MRPS35: variants seen among roughly 807,000 people sequenced by gnomAD.
MRPS35 encodes the protein small ribosomal subunit protein mS35.
In MRPS35, 29 loss-of-function variants were observed where a neutral mutation model predicts 32.7. The ratio of observed to expected loss-of-function variants is 0.89; its 90% CI spans 0.66 to 1.21. The LOEUF (loss-of-function observed/expected upper bound fraction) is 1.21, where lower values mean the gene tolerates loss of function less well. MRPS35 is among the 50% of genes most tolerant of loss of function. The probability of loss-of-function intolerance (pLI) is 0.00; values close to 1 mark genes in which losing one functional copy is unlikely to be tolerated. For missense variants in MRPS35, 373 were observed against 383.8 expected, an observed-to-expected ratio of 0.97 and a Z score of 0.23; for synonymous variants, 148 against 139.3, an observed-to-expected ratio of 1.06 and a Z score of -0.44.
chr12:27,721,508 A>G (rs1217818533), intron 4 of MRPS35, among the ~76,000 whole-genome samples: 1 of 152,096 alleles, frequency 6.6e-6, no homozygotes, highest in Admixed American at 6.6e-5. Flanking sequence ...AAACACAAAA[A>G]ATTAGCCGGG....
At chr12:27,714,884 C>A in intron 2 of MRPS35, 64 bp downstream of exon 2, 1 of 1,382,764 alleles carries the variant, frequency 7.2e-7, no homozygotes, top group South Asian at 1.2e-5. Context: ...GGCAGATATT[C>A]ATTATAAGGC....
intron 5 of MRPS35, among the ~76,000 whole-genome samples, chr12:27,733,099 T>C (rs1367740195): frequency 6.9e-6 from 1 of 144,022 alleles, no homozygotes; most frequent in Non-Finnish European, 1.5e-5. Flanking sequence ...GTTAACAGTA[T>C]TATATCGATT....
Position 27,755,318 on chromosome 12 carries a change from A to ATAAATAAATATG in MRPS35, c.840_841insTAAATAAATATG (p.Lys280_Glu281insTer). 6.2e-7 allele frequency: 1 copy of ATAAATAAATATG among 1,612,652 alleles called. No homozygotes were observed. Among genetic ancestry groups the ATAAATAAATATG allele is most frequent in the Non-Finnish European group, 8.5e-7 (1 of 1,179,754 alleles). Reference sequence around the variant, plus strand: ...CTGAGAAAAATATGGAAATAAATAAAGAAGAGCTCCTTGGTACTAAAGAAA... The same window carrying ATAAATAAATATG: ...CTGAGAAAAATATGGAAATAAATAAATAAATAAATATGGAAGAGCTCCTTGGTACTAAAGAAA... On this transcript the variant is annotated stop_gained and inframe_insertion, in exon 8 of 8. Coordinates refer to ENST00000081029, the MANE Select transcript of MRPS35 (RefSeq NM_021821.4). LOFTEE classifies it low-confidence loss of function (END_TRUNC).
chr12:27,722,788 A>G (rs749794991), intron 4 of MRPS35, among the ~76,000 whole-genome samples: 7 of 152,240 alleles, frequency 4.6e-5, no homozygotes, highest in Non-Finnish European at 1.0e-4. Flanking sequence ...AATGGAGTGA[A>G]CTATGTTTAA....
At chr12:27,735,065 A>C (rs1286511530) in intron 5 of MRPS35, among the ~76,000 whole-genome samples, 4 of 152,220 alleles carry the variant, frequency 2.6e-5, no homozygotes, top group Non-Finnish European at 5.9e-5. Flanking sequence ...TGCATGATAG[A>C]AATTTCTTAA....
At chr12:27,734,125 G>C (rs1196954185) in intron 5 of MRPS35, among the ~76,000 whole-genome samples, 1 of 152,076 alleles carries the variant, frequency 6.6e-6, no homozygotes, top group Non-Finnish European at 1.5e-5. Context: ...ATCCTATTTA[G>C]CTTTTTTTCT....
At position 27,738,816 on chromosome 12, in the gene MRPS35, A is replaced by G. The variant is rs200582993; in HGVS notation, c.702+1208A>G. On this transcript the variant is annotated intron_variant, in intron 7 of 7. Transcript: ENST00000081029. ...AAAAATAGAAAAAATAAAAGTTTTC[A>G]TATGGAAGAGGGCTTACATTTGTTT... Among the ~76,000 whole-genome samples, 4 of 152,152 alleles carry G rather than the reference A, an allele frequency of 2.6e-5. No homozygotes were observed. In the East Asian group the frequency reaches 5.8e-4, roughly 22 times the overall value.
At chr12:27,723,936 C>A (rs2061887484) in intron 4 of MRPS35, 111 bp from the exon 5 acceptor site, 2 of 1,050,586 alleles carry the variant, frequency 1.9e-6, no homozygotes, top group Non-Finnish European at 2.7e-6. Flanking sequence ...AGAATCTGTT[C>A]TTTCATGTAA....
rs779151427 is a variant in MRPS35, at chr12:27,716,366, A to G, written c.229A>G (p.Lys77Glu). The G allele has an allele frequency of 6.8e-6, 11 of 1,614,088 alleles. No homozygotes were observed. The highest frequency in any genetic ancestry group is 8.5e-6 in the Non-Finnish European group (10 of 1,180,044). Residue 77 changes from lysine (K) to glutamate (E), a missense_variant, in exon 3 of 8, where the codon AAA (lysine) becomes GAA (glutamate). By Grantham distance (56) the Lys-to-Glu change is moderately conservative. Transcript: ENST00000081029. ...PSVYPVAAPF[K>E]PSAVPLPVRM... ...TGTTTACCCAGTTGCAGCACCATTTAAACCCTCTGCAGTACCTCTTCCTGT... is the reference window on the plus strand; with the variant it reads ...TGTTTACCCAGTTGCAGCACCATTTGAACCCTCTGCAGTACCTCTTCCTGT...
intron 7 of MRPS35, among the ~76,000 whole-genome samples, chr12:27,754,231 G>C (rs1179869915): frequency 6.6e-6 from 1 of 152,136 alleles, no homozygotes; most frequent in Non-Finnish European, 1.5e-5. Flanking sequence ...TCCAGCCTGG[G>C]CAAGAGAGCG....
At chr12:27,752,746 T>A (rs2062010809) in intron 7 of MRPS35, 1 of 152,244 alleles carries the variant, frequency 6.6e-6, no homozygotes, top group South Asian at 2.1e-4. Flanking sequence ...TATTCCTTTC[T>A]CAAGTATTAC....
In MRPS35 at chr12:27,737,522, C is replaced by A; in HGVS notation, c.633-17C>A. On this transcript the variant is annotated splice_polypyrimidine_tract_variant and intron_variant, in intron 6 of 7. Transcript: ENST00000081029. ...GAGTTTTTAGAATTTTGACTTCTCC[C>A]GCTTTCTCTTTAATAGGTGCCCTTT... The A allele has an allele frequency of 6.2e-7, 1 of 1,607,402 alleles. No homozygotes were observed. The highest frequency in any genetic ancestry group is 1.1e-5 in the South Asian group (1 of 90,690).
At position 27,755,380 on chromosome 12, in the gene MRPS35, A is replaced by ATTTTTT; in HGVS notation, c.903_904insTTTTTT (p.Asn301_Glu302insPhePhe). On this transcript the variant is annotated inframe_insertion, in exon 8 of 8. Transcript: ENST00000081029. ...AAAAAGTCTGTTGTTAGTCTTAAAA[A>ATTTTTT]TGAGGAGGAAAATGAAAATTCCATT... The ATTTTTT allele has an allele frequency of 2.5e-6, 4 of 1,601,520 alleles. No homozygotes were observed. The highest frequency in any genetic ancestry group is 4.5e-5 in the East Asian group (2 of 44,740).
At chr12:27,728,485 AAGG>A (rs1306066976) in intron 5 of MRPS35, among the ~76,000 whole-genome samples, 4 of 152,136 alleles carry the variant, frequency 2.6e-5, no homozygotes, top group Non-Finnish European at 5.9e-5. Flanking sequence ...TCTAAGAATT[AAGG>A]AGATGTTTCC....
chr12:27,749,619 G>A (rs2061994178), intron 7 of MRPS35, among the ~76,000 whole-genome samples: 1 of 152,128 alleles, frequency 6.6e-6, no homozygotes, highest in African/African-American at 2.4e-5. Context: ...TGTACATTTT[G>A]AAGCCATTCT....
intron 4 of MRPS35, among the ~76,000 whole-genome samples, chr12:27,721,364 A>G (rs954448296): frequency 6.6e-5 from 10 of 152,150 alleles, no homozygotes; most frequent in Admixed American, 3.3e-4. Flanking sequence ...TCACTTCCAA[A>G]TTTGTGTCCC....
chr12:27,734,238 T>C (rs1300242285), intron 5 of MRPS35, among the ~76,000 whole-genome samples: 1 of 145,394 alleles, frequency 6.9e-6, no homozygotes, highest in African/African-American at 2.7e-5. Flanking sequence ...ACCTAACCTA[T>C]CTTCTTTTTT....
chr12:27,752,356 G>A (rs1051959716), intron 7 of MRPS35, among the ~76,000 whole-genome samples: 3 of 152,200 alleles, frequency 2.0e-5, no homozygotes, highest in African/African-American at 7.2e-5. Flanking sequence ...TACACCAAAT[G>A]TAAGGGGAAG....
intron 3 of MRPS35, among the ~76,000 whole-genome samples, chr12:27,716,769 C>T (rs11049107): frequency 0.12 from 18,403 of 152,118 alleles, 1,386 homozygotes; most frequent in East Asian, 0.18. Context: ...GGGCAGATCA[C>T]TTGAGGTCAG....
Sources: gnomAD v4.1 joint callset for allele counts (sites outside exome capture counted in the v4.1 genomes callset) on GRCh38, gnomAD v4.1.1 for gene constraint, MANE v1.5 for transcripts, NCBI Gene and HGNC (gene_info 2026-07-23, HGNC 2026-07-21) for gene names.